RNF43: variants seen among roughly 807,000 people sequenced by gnomAD.
The protein encoded by RNF43 is ring finger protein 43, also known as E3 ubiquitin-protein ligase RNF43.
In RNF43, 37 loss-of-function variants were observed where a neutral mutation model predicts 78.4. The ratio of observed to expected loss-of-function variants is 0.47; its 90% CI spans 0.36 to 0.62. RNF43 has a LOEUF of 0.62. Among genes scored for constraint, RNF43 ranks in the 20% least tolerant of loss-of-function variants. The probability of loss-of-function intolerance (pLI) is 0.00; values close to 1 mark genes in which losing one functional copy is unlikely to be tolerated. For synonymous variants in RNF43, 347 were observed against 395.0 expected (o/e 0.88, Z 1.44); for missense variants, 774 against 1,007.9 (o/e 0.77, Z 3.14).
chr17:58,380,416 T>C (rs962184761), intron 2 of RNF43, among the ~76,000 whole-genome samples: 6 of 152,174 alleles, frequency 3.9e-5, no homozygotes, highest in African/African-American at 1.4e-4. Context: ...CACAACAAAG[T>C]AGTTAACTGA....
intron 3 of RNF43, among the ~76,000 whole-genome samples, chr17:58,364,713 G>C (rs1210882528): frequency 2.0e-5 from 3 of 152,212 alleles, no homozygotes; most frequent in African/African-American, 7.2e-5. Context: ...AAAGTCTCTG[G>C]GGTCTTCCCA....
At chr17:58,409,493 G>A (rs1187738798) in intron 2 of RNF43, among the ~76,000 whole-genome samples, 4 of 152,270 alleles carry the variant, frequency 2.6e-5, no homozygotes, top group Non-Finnish European at 5.9e-5. Context: ...TGAACAAAAT[G>A]TAAAGACTTT....
rs1224021382 is a variant in RNF43 at position 58,357,908 on chromosome 17, G to T, written c.1868C>A (p.Ala623Asp). 9 of 1,613,582 alleles carry T rather than the reference G, an allele frequency of 5.6e-6. No homozygotes were observed. The highest frequency in any genetic ancestry group is 7.6e-6 in the Non-Finnish European group (9 of 1,179,816). ...PQCPRALPEP[A>D]PGPVDASSIC... ...GCTGGAGGCGTCAACTGGGCCAGGG[G>T]CTGGCTCAGGGAGGGCCCTGGGGCA... The change falls in exon 9 of 10, where the codon GCC becomes GAC. Residue 623 changes from alanine (A) to aspartate (D), a missense_variant. Coordinates refer to ENST00000407977, the MANE Select transcript of RNF43 (RefSeq NM_017763.6). The surrounding 1 kb of genome is among the most constrained non-coding windows in gnomAD (Gnocchi z 4.5).
chr17:58,414,843 A>G (rs1974092259), intron 2 of RNF43, among the ~76,000 whole-genome samples: 1 of 152,220 alleles, frequency 6.6e-6, no homozygotes, highest in Admixed American at 6.5e-5. Flanking sequence ...GGCCAGCCAT[A>G]GCATTCAAGC....
intron 2 of RNF43, among the ~76,000 whole-genome samples, chr17:58,410,126 T>C (rs1973997854): frequency 6.6e-6 from 1 of 151,844 alleles, no homozygotes; most frequent in African/African-American, 2.4e-5. Flanking sequence ...TGTACGAAGC[T>C]GAACTTACAA....
rs1431558530 is a variant in RNF43, at chr17:58,357,815, C to G, written c.1961G>C (p.Arg654Thr). 1 of 1,614,186 alleles carries G rather than the reference C, an allele frequency of 6.2e-7. No homozygotes were observed. The highest frequency in any genetic ancestry group is 8.5e-7 in the Non-Finnish European group (1 of 1,180,032). Residue 654 changes from arginine (R) to threonine (T), a missense_variant, in exon 9 of 10, where the codon AGG (arginine) becomes ACG (threonine). Coordinates refer to ENST00000407977, the MANE Select transcript of RNF43 (RefSeq NM_017763.6). The surrounding 1 kb of genome is among the most constrained non-coding windows in gnomAD (Gnocchi z 4.5). ...CTCGGAGGGACCCCCCCGCCTTTTC[C>G]TCTGTGGGTGTCGGGCAGAGAGGCT... ...KSSLSARHPQ[R>T]KRRGGPSEPT...
rs1364409915 is a variant in RNF43, at chr17:58,415,467, C to T, written c.111G>A (p.Glu37=). ...RTGLVLAAAV[E]SERSAEQKAI... ...CTTTCTGTTCTGCTGATCTTTCAGACTCCACCGCTGCTGCCAGTACCAGTC... is the reference window on the plus strand; with the variant it reads ...CTTTCTGTTCTGCTGATCTTTCAGATTCCACCGCTGCTGCCAGTACCAGTC... Residue 37 remains glutamate (E), a synonymous_variant, in exon 2 of 10, where the codon GAG becomes GAA. Transcript: ENST00000407977. The T allele has an allele frequency of 1.2e-6, 2 of 1,614,108 alleles. No individual in the cohort carries two copies. Among genetic ancestry groups the T allele is most frequent in the Admixed American group, 1.7e-5 (1 of 60,034 alleles).
intron 9 of RNF43, among the ~76,000 whole-genome samples, chr17:58,355,898 CAG>C (rs1224216977): frequency 6.6e-6 from 1 of 152,166 alleles, no homozygotes; most frequent in African/African-American, 2.4e-5. Context: ...AAGACACTGG[CAG>C]GGCCATCAGT....
intron 2 of RNF43, among the ~76,000 whole-genome samples, chr17:58,400,808 G>GA (rs1290491014): frequency 6.6e-6 from 1 of 152,114 alleles, no homozygotes; most frequent in Non-Finnish European, 1.5e-5. Flanking sequence ...ATTGGTGATA[G>GA]AAATTATGTT....
intron 2 of RNF43, among the ~76,000 whole-genome samples, chr17:58,411,318 C>T (rs1974020293): frequency 6.6e-6 from 1 of 151,792 alleles, no homozygotes; most frequent in African/African-American, 2.4e-5. Flanking sequence ...AAGTCAAGCC[C>T]CCCAAGTCAC....
At chr17:58,363,880 T>A (rs1342239507) in intron 3 of RNF43, among the ~76,000 whole-genome samples, 1 of 152,192 alleles carries the variant, frequency 6.6e-6, no homozygotes, top group Admixed American at 6.5e-5. Flanking sequence ...TGCCAGGTGG[T>A]GGACCTGGCT....
At chr17:58,369,505 A>C (rs1973035264) in intron 3 of RNF43, among the ~76,000 whole-genome samples, 2 of 152,192 alleles carry the variant, frequency 1.3e-5, no homozygotes, top group Non-Finnish European at 2.9e-5. Flanking sequence ...GCAAGCTAAC[A>C]CAAAGGCCGG....
chr17:58,393,150 G>A (rs4793585), intron 2 of RNF43, among the ~76,000 whole-genome samples: 52,808 of 152,062 alleles, frequency 0.35, 9,893 homozygotes, highest in East Asian at 0.51. Flanking sequence ...ACTTATGCCT[G>A]TAATCCCAGC....
At position 58,391,710 on chromosome 17, in the gene RNF43, G is replaced by C. The variant is rs1374369088; in HGVS notation, c.253-20677C>G. Among the ~76,000 whole-genome samples, 5 of 152,160 alleles carry C rather than the reference G, an allele frequency of 3.3e-5. No homozygotes were observed. The South Asian group carries it at 6.2e-4, about 19-fold the overall frequency. ...TACCCACCCGTCAGATATTATCAAA[G>C]AGCCCTTCCATGCCTGGCTGGAGTC... is the stretch of plus-strand genomic sequence containing the variant. On this transcript the variant is annotated intron_variant, in intron 2 of 9. Transcript: ENST00000407977.
chr17:58,386,797 T>G (rs192422767), intron 2 of RNF43, among the ~76,000 whole-genome samples: 218 of 152,246 alleles, frequency 1.4e-3, no homozygotes, highest in Non-Finnish European at 8.8e-4. Context: ...GTGTGGTAAT[T>G]TTCACCTTTT....
At chr17:58,371,774 G>A (rs1227889083) in intron 2 of RNF43, among the ~76,000 whole-genome samples, 3 of 152,198 alleles carry the variant, frequency 2.0e-5, no homozygotes, top group Non-Finnish European at 4.4e-5. Context: ...TGCTCTAAGG[G>A]CAGATCCTGT....
At chr17:58,409,986 A>G (rs1311148160) in intron 2 of RNF43, among the ~76,000 whole-genome samples, 1 of 151,802 alleles carries the variant, frequency 6.6e-6, no homozygotes, top group Admixed American at 6.6e-5. Context: ...ATAATACAAA[A>G]CCCAAGGAAG....
chr17:58,379,537 A>G (rs1323985848), intron 2 of RNF43, among the ~76,000 whole-genome samples: 1 of 152,204 alleles, frequency 6.6e-6, no homozygotes, highest in African/African-American at 2.4e-5. Context: ...CCCACATTAC[A>G]GACGCCATTC....
At chr17:58,413,906 C>T (rs1361601145) in intron 2 of RNF43, among the ~76,000 whole-genome samples, 2 of 152,140 alleles carry the variant, frequency 1.3e-5, no homozygotes, top group Non-Finnish European at 2.9e-5. Context: ...AAATTACTTA[C>T]GGTCCTAAAA....
Sources: allele counts gnomAD v4.1 joint callset (sites outside exome capture counted in the v4.1 genomes callset), GRCh38; gene constraint gnomAD v4.1.1; non-coding constraint Gnocchi (gnomAD v3.1); transcripts MANE v1.5; gene names NCBI Gene and HGNC (gene_info 2026-07-23, HGNC 2026-07-21).